LRRC4C: variants seen among roughly 807,000 people sequenced by gnomAD.
The protein encoded by LRRC4C is leucine-rich repeat-containing protein 4C.
Under a neutral mutation model 33.6 loss-of-function variants are expected in LRRC4C, and 5 were observed. The ratio of observed to expected loss-of-function variants is 0.15; its 90% CI spans 0.08 to 0.31. The LOEUF (loss-of-function observed/expected upper bound fraction) is 0.31. Ranked by LOEUF, LRRC4C falls within the 10% of genes least tolerant of loss-of-function variation. The probability of loss-of-function intolerance (pLI) is 1.00; values close to 1 mark genes in which losing one functional copy is unlikely to be tolerated. For synonymous variants in LRRC4C, 329 were observed against 302.0 expected (o/e 1.09, Z -0.93); for missense variants, 560 against 796.7 (o/e 0.70, Z 3.58).
chr11:40,411,988 A>T (rs1176148624), intron 3 of LRRC4C, among the ~76,000 whole-genome samples: 1 of 151,964 alleles, frequency 6.6e-6, no homozygotes, highest in Non-Finnish European at 1.5e-5. Flanking sequence ...AAATTTCTTA[A>T]TGTTAAAAAT....
intron 3 of LRRC4C, among the ~76,000 whole-genome samples, chr11:40,646,911 TTCTC>T (rs1307782667): frequency 6.6e-6 from 1 of 152,200 alleles, no homozygotes. Flanking sequence ...TGGCCAAGTC[TTCTC>T]TCTCTTTTTG....
chr11:40,268,674 AT>A (rs751240588), intron 4 of LRRC4C, among the ~76,000 whole-genome samples: 16 of 152,200 alleles, frequency 1.1e-4, no homozygotes, highest in Non-Finnish European at 1.9e-4. Context: ...AGCAAAAAAA[AT>A]AAAAGATTAA....
chr11:40,817,505 T>A (rs148576819), intron 2 of LRRC4C, among the ~76,000 whole-genome samples: 397 of 152,272 alleles, frequency 2.6e-3, no homozygotes, highest in African/African-American at 8.8e-3. Flanking sequence ...AACTTAGTAG[T>A]TGATGCAAGG....
At chr11:40,961,309 T>C (rs1165235278) in intron 1 of LRRC4C, among the ~76,000 whole-genome samples, 1 of 151,400 alleles carries the variant, frequency 6.6e-6, no homozygotes, top group Non-Finnish European at 1.5e-5. Context: ...GGTGACAGAG[T>C]TGTTCTATTT....
intron 3 of LRRC4C, among the ~76,000 whole-genome samples, chr11:40,358,281 T>G (rs1387881899): frequency 6.6e-6 from 1 of 151,958 alleles, no homozygotes; most frequent in Admixed American, 6.6e-5. Context: ...CTCCCCAAAC[T>G]CCTTTTTTTG....
At chr11:40,826,981 T>C (rs1314816508) in intron 2 of LRRC4C, among the ~76,000 whole-genome samples, 1 of 152,008 alleles carries the variant, frequency 6.6e-6, no homozygotes, top group East Asian at 1.9e-4. Context: ...AATTCCGTTC[T>C]CCTAAGACTT....
intron 1 of LRRC4C, among the ~76,000 whole-genome samples, chr11:41,450,794 C>T (rs1955993586): frequency 6.6e-6 from 1 of 152,120 alleles, no homozygotes; most frequent in Non-Finnish European, 1.5e-5. Context: ...TATTTCCTTA[C>T]TCTATTAGCA....
intron 1 of LRRC4C, among the ~76,000 whole-genome samples, chr11:41,013,587 A>G (rs1371760966): frequency 6.6e-6 from 1 of 152,190 alleles, no homozygotes; most frequent in African/African-American, 2.4e-5. Flanking sequence ...GTGCTATAAT[A>G]ACCATATCAT....
At chr11:41,004,075 G>A (rs1854566504) in intron 1 of LRRC4C, among the ~76,000 whole-genome samples, 4 of 152,126 alleles carry the variant, frequency 2.6e-5, no homozygotes, top group Admixed American at 2.6e-4. Flanking sequence ...GTTACAAAGA[G>A]GCATGAACAC....
intron 1 of LRRC4C, among the ~76,000 whole-genome samples, chr11:41,429,997 G>A (rs1176994333): frequency 1.3e-5 from 2 of 151,974 alleles, no homozygotes; most frequent in African/African-American, 2.4e-5. Flanking sequence ...CCACACCAAC[G>A]ATACACAACA....
chr11:40,255,471 G>T (rs1867131296), intron 4 of LRRC4C, among the ~76,000 whole-genome samples: 1 of 152,152 alleles, frequency 6.6e-6, no homozygotes, highest in Non-Finnish European at 1.5e-5. Context: ...CCCTACTCAG[G>T]ATACATAAAG....
intron 1 of LRRC4C, among the ~76,000 whole-genome samples, chr11:41,397,376 C>A (rs1953860683): frequency 6.6e-6 from 1 of 151,920 alleles, no homozygotes; most frequent in Admixed American, 6.6e-5. Context: ...GGATGAACAC[C>A]TTTATGATGA....
intron 5 of LRRC4C, among the ~76,000 whole-genome samples, chr11:40,226,408 G>C (rs944302684): frequency 1.3e-5 from 2 of 152,192 alleles, no homozygotes; most frequent in Admixed American, 6.5e-5. Context: ...CTCGATCCCA[G>C]AATGCAGTTG....
chr11:40,584,055 A>AATG (rs1958594062), intron 3 of LRRC4C, among the ~76,000 whole-genome samples: 1 of 151,284 alleles, frequency 6.6e-6, no homozygotes, highest in South Asian at 2.1e-4. Context: ...ACTTGAAGTC[A>AATG]ATGATCACTT....
chr11:40,917,839 A>G (rs1272053837), intron 2 of LRRC4C, among the ~76,000 whole-genome samples: 1 of 152,150 alleles, frequency 6.6e-6, no homozygotes, highest in African/African-American at 2.4e-5. Context: ...TGCTTGAATA[A>G]CATGAGCAAG....
At chr11:41,440,733 A>G (rs919034031) in intron 1 of LRRC4C, among the ~76,000 whole-genome samples, 1 of 152,038 alleles carries the variant, frequency 6.6e-6, no homozygotes, top group African/African-American at 2.4e-5. Flanking sequence ...TGCTGTTCTC[A>G]TGACAGTGAG....
chr11:41,417,338 T>C (rs1954720581), intron 1 of LRRC4C, among the ~76,000 whole-genome samples: 1 of 152,014 alleles, frequency 6.6e-6, no homozygotes, highest in Admixed American at 6.6e-5. Flanking sequence ...ACAACATGAT[T>C]TAAACTAGTT....
intron 2 of LRRC4C, among the ~76,000 whole-genome samples, chr11:40,917,363 T>A (rs1483749475): frequency 6.6e-6 from 1 of 152,116 alleles, no homozygotes; most frequent in Non-Finnish European, 1.5e-5. Context: ...TTGTGAATGC[T>A]CATCTGTAAA....
intron 5 of LRRC4C, among the ~76,000 whole-genome samples, chr11:40,189,172 T>C (rs1861632034): frequency 6.6e-6 from 1 of 152,224 alleles, no homozygotes; most frequent in Admixed American, 6.5e-5. Flanking sequence ...TGTGATCTAG[T>C]AAATATTTTA....
Sources: gnomAD v4.1 joint callset for allele counts (sites outside exome capture counted in the v4.1 genomes callset) on GRCh38, gnomAD v4.1.1 for gene constraint, MANE v1.5 for transcripts, NCBI Gene and HGNC (gene_info 2026-07-23, HGNC 2026-07-21) for gene names.